DLG1: variants seen among roughly 807,000 people sequenced by gnomAD.
The protein encoded by DLG1 is discs large MAGUK scaffold protein 1, also known as disks large homolog 1.
DLG1 carries 42 observed loss-of-function variants against 123.4 expected under a neutral mutation model. The ratio of observed to expected loss-of-function variants is 0.34; its 90% CI spans 0.27 to 0.44. DLG1 has a LOEUF of 0.44. Ranked by LOEUF, DLG1 falls within the 20% of genes least tolerant of loss-of-function variation. The pLI, the probability that DLG1 is intolerant of heterozygous loss-of-function variation, is 1.00. For missense variants in DLG1, 942 were observed against 1,082.6 expected, an observed-to-expected ratio of 0.87 and a Z score of 1.82; for synonymous variants, 317 against 356.2, an observed-to-expected ratio of 0.89 and a Z score of 1.24.
At chr3:197,135,092 C>T (rs1008948304) in intron 10 of DLG1, among the ~76,000 whole-genome samples, 1 of 152,186 alleles carries the variant, frequency 6.6e-6, no homozygotes, top group Admixed American at 6.5e-5. Flanking sequence ...CTTCTATTGG[C>T]TCTCGTTCAT....
intron 23 of DLG1, among the ~76,000 whole-genome samples, chr3:197,058,577 C>T (rs997555471): frequency 3.9e-5 from 6 of 152,138 alleles, no homozygotes; most frequent in Non-Finnish European, 7.4e-5. Context: ...GCATTATGGT[C>T]GGAGAGTATT....
At chr3:197,290,897 TAAAAAAAAAAAA>T (rs34807556) in intron 3 of DLG1, among the ~76,000 whole-genome samples, 1 of 87,970 alleles carries the variant, frequency 1.1e-5, no homozygotes, top group South Asian at 4.0e-4. Flanking sequence ...CTCCAAATAG[TAAAAAAAAAAAA>T]AAAAAAAAAA....
At chr3:197,252,616 T>G (rs972101595) in intron 4 of DLG1, among the ~76,000 whole-genome samples, 1 of 152,190 alleles carries the variant, frequency 6.6e-6, no homozygotes, top group Non-Finnish European at 1.5e-5. Context: ...TTATGTCTGA[T>G]GACTATGGAA....
At chr3:197,167,412 G>C (rs1242463840) in intron 5 of DLG1, among the ~76,000 whole-genome samples, 1 of 152,142 alleles carries the variant, frequency 6.6e-6, no homozygotes, top group African/African-American at 2.4e-5. Context: ...AATGACAGTG[G>C]AGAAATCTGC....
intron 4 of DLG1, among the ~76,000 whole-genome samples, chr3:197,265,449 C>T (rs1302227946): frequency 6.6e-6 from 1 of 152,082 alleles, no homozygotes; most frequent in African/African-American, 2.4e-5. Flanking sequence ...CTCAACGAAA[C>T]CCAGCAGCCT....
At chr3:197,071,626 T>C (rs934061583) in intron 18 of DLG1, among the ~76,000 whole-genome samples, 11 of 152,196 alleles carry the variant, frequency 7.2e-5, no homozygotes, top group Non-Finnish European at 1.2e-4. Context: ...TAATTGAAAA[T>C]GTTCCTCTTC....
At chr3:197,130,752 A>G (rs2149538645) in intron 10 of DLG1, 81 bp from the exon 11 acceptor site, 1 of 1,180,644 alleles carries the variant, frequency 8.5e-7, no homozygotes, top group African/African-American at 1.5e-5. Flanking sequence ...AAAGAAAGGG[A>G]AAATAAGAGA....
intron 4 of DLG1, among the ~76,000 whole-genome samples, chr3:197,218,286 GA>G (rs1356305910): frequency 6.6e-6 from 1 of 152,118 alleles, no homozygotes; most frequent in Non-Finnish European, 1.5e-5. Flanking sequence ...GTCAAATATG[GA>G]TTGCTCTTTT....
rs192246450 is a variant in DLG1, at chr3:197,294,269, T to C, written c.151+2077A>G. Among the ~76,000 whole-genome samples, 9 of 152,240 alleles carry C rather than the reference T, an allele frequency of 5.9e-5. No homozygotes were observed. In the East Asian group the frequency reaches 1.7e-3, roughly 29 times the overall value. On this transcript the variant is annotated intron_variant, in intron 3 of 24. Coordinates refer to ENST00000667157, the MANE Select transcript of DLG1 (RefSeq NM_001366207.1). ...ATATAGTACCACATCCTATAGAACA[T>C]TAAATATAAGTAAATTTAAATGTCA...
intron 7 of DLG1, among the ~76,000 whole-genome samples, chr3:197,141,667 C>T (rs1415949799): frequency 6.6e-6 from 1 of 152,164 alleles, no homozygotes; most frequent in Non-Finnish European, 1.5e-5. Flanking sequence ...CCATAAAATG[C>T]TAGCCAGATA....
chr3:197,140,005 G>C (rs1787183267), intron 8 of DLG1, 135 bp downstream of exon 8: 4 of 893,794 alleles, frequency 4.5e-6, no homozygotes, highest in Non-Finnish European at 6.5e-6. Flanking sequence ...TCATTGACTT[G>C]AATGTTGTTA....
At chr3:197,218,532 C>T (rs906292819) in intron 4 of DLG1, among the ~76,000 whole-genome samples, 3 of 152,218 alleles carry the variant, frequency 2.0e-5, no homozygotes, top group Non-Finnish European at 4.4e-5. Flanking sequence ...CAGTCAACTG[C>T]TTCATTCCTT....
At chr3:197,145,860 G>A (rs569354923) in intron 6 of DLG1, among the ~76,000 whole-genome samples, 81 of 151,746 alleles carry the variant, frequency 5.3e-4, no homozygotes, top group Middle Eastern at 6.8e-3. Context: ...TACTCAGGGC[G>A]GGGGCCAAGG....
At chr3:197,047,810 T>C (rs1560291600) in intron 24 of DLG1, among the ~76,000 whole-genome samples, 2 of 151,826 alleles carry the variant, frequency 1.3e-5, no homozygotes, top group Non-Finnish European at 2.9e-5. Context: ...ACCAGAACCA[T>C]AAAACTCCTA....
rs527527816 is a variant in DLG1 at position 197,139,278 on chromosome 3, T to A, written c.713+862A>T. 6.6e-5 allele frequency among the ~76,000 whole-genome samples: 10 copies of A among 152,260 alleles called. No individual in the cohort carries two copies. The East Asian group carries it at 1.4e-3, about 21-fold the overall frequency. On this transcript the variant is annotated intron_variant, in intron 8 of 24. Transcript: ENST00000667157. The stretch of plus-strand genomic sequence containing the variant: ...AAACTGGTCCTGACAAGCTTCTATA[T>A]CTAACAGAATCAGGAAGTAAATGTC...
chr3:197,154,319 C>A (rs962782229), intron 5 of DLG1, among the ~76,000 whole-genome samples: 1 of 150,836 alleles, frequency 6.6e-6, no homozygotes, highest in African/African-American at 2.4e-5. Flanking sequence ...AAAACAAAAC[C>A]AAAAAACCAA....
At chr3:197,060,902 T>G (rs536809753) in intron 22 of DLG1, among the ~76,000 whole-genome samples, 1 of 152,234 alleles carries the variant, frequency 6.6e-6, no homozygotes, top group South Asian at 2.1e-4. Flanking sequence ...CTCGGCTTAC[T>G]GCAACTTCCG....
chr3:197,137,059 T>C (rs1195842410), intron 9 of DLG1, among the ~76,000 whole-genome samples: 1 of 152,216 alleles, frequency 6.6e-6, no homozygotes, highest in Admixed American at 6.5e-5. Context: ...CTGGTGATGG[T>C]GGGCAGAACC....
At chr3:197,268,485 T>C (rs557444052) in intron 4 of DLG1, among the ~76,000 whole-genome samples, 1 of 152,152 alleles carries the variant, frequency 6.6e-6, no homozygotes, top group South Asian at 2.1e-4. Flanking sequence ...AGTGGACTGA[T>C]CACAGCTCAC....
Sources: allele counts gnomAD v4.1 joint callset (sites outside exome capture counted in the v4.1 genomes callset), GRCh38; gene constraint gnomAD v4.1.1; transcripts MANE v1.5; gene names NCBI Gene and HGNC (gene_info 2026-07-23, HGNC 2026-07-21).